The following INPP5F variants were observed in gnomAD, a reference collection of about 807,000 sequenced individuals.
INPP5F encodes the protein inositol polyphosphate-5-phosphatase F.
INPP5F carries 97 observed loss-of-function variants against 137.2 expected under a neutral mutation model. The ratio of observed to expected loss-of-function variants is 0.71; its 90% CI spans 0.60 to 0.84. INPP5F has a LOEUF of 0.84. Ranked by LOEUF, INPP5F falls within the 40% of genes least tolerant of loss-of-function variation. The pLI is 0.00. For synonymous variants in INPP5F, 504 were observed against 476.9 expected, an observed-to-expected ratio of 1.06 and a Z score of -0.74; for missense variants, 1,271 against 1,371.9, an observed-to-expected ratio of 0.93 and a Z score of 1.16.
chr10:119,747,858 A>T (rs1245636705), intron 1 of INPP5F, among the ~76,000 whole-genome samples: 1 of 152,238 alleles, frequency 6.6e-6, no homozygotes, highest in African/African-American at 2.4e-5. Context: ...TTAAAGAAGA[A>T]AATACTCATG....
At chr10:119,751,201 A>AT (rs753433942) in intron 2 of INPP5F, 45 bp downstream of exon 2, 3 of 1,196,304 alleles carry the variant, frequency 2.5e-6, no homozygotes, top group Non-Finnish European at 3.7e-6. Flanking sequence ...TTATTGTAGC[A>AT]TTTTTTGGTG....
At chr10:119,777,294 G>A (rs576682035) in intron 2 of INPP5F, among the ~76,000 whole-genome samples, 10 of 152,268 alleles carry the variant, frequency 6.6e-5, no homozygotes, top group African/African-American at 2.2e-4. Flanking sequence ...CGCATCACAA[G>A]GTCAGGAGTT....
intron 2 of INPP5F, among the ~76,000 whole-genome samples, chr10:119,778,364 TAATA>T (rs1477079542): frequency 1.3e-5 from 2 of 152,322 alleles, no homozygotes; most frequent in East Asian, 3.8e-4. Context: ...TATTTTTCTA[TAATA>T]AATTCCTGAA....
At chr10:119,821,294 A>G (rs935208376) in intron 16 of INPP5F, among the ~76,000 whole-genome samples, 54 of 152,016 alleles carry the variant, frequency 3.6e-4, no homozygotes, top group African/African-American at 1.3e-3. Flanking sequence ...ATTACTTACA[A>G]TTTTTTGTTA....
chr10:119,777,735 T>A (rs938614329), intron 2 of INPP5F, among the ~76,000 whole-genome samples: 1 of 152,166 alleles, frequency 6.6e-6, no homozygotes, highest in African/African-American at 2.4e-5. Flanking sequence ...AGATGCTTGG[T>A]AATGTCCATT....
chr10:119,751,005 C>G, intron 1 of INPP5F, 71 bp from the exon 2 acceptor site: 1 of 995,754 alleles, frequency 1.0e-6, no homozygotes, highest in Admixed American at 1.8e-5. Flanking sequence ...TTTCAATACA[C>G]TGCTAAAGAT....
intron 2 of INPP5F, among the ~76,000 whole-genome samples, chr10:119,753,190 C>T (rs1354061327): frequency 2.6e-5 from 4 of 152,022 alleles, no homozygotes; most frequent in Admixed American, 6.6e-5. Flanking sequence ...AGCTAAAATT[C>T]GTTTTCTATT....
intron 2 of INPP5F, among the ~76,000 whole-genome samples, chr10:119,756,373 C>T (rs145372598): frequency 0.013 from 1,908 of 152,148 alleles, 22 homozygotes; most frequent in Middle Eastern, 0.027. Context: ...TGGTGACTCA[C>T]GCCTGTAATC....
rs367566188 is a variant in INPP5F at position 119,818,088 on chromosome 10, G to C, written c.1887-2758G>C. ...AAACCGGGAACTGTCCAGCACGCCC[G>C]TGCCTGTCCTGGCCCTTCTCCCATG... On this transcript the variant is annotated intron_variant, in intron 15 of 19. Transcript: ENST00000650623. Among the ~76,000 whole-genome samples the C allele has an allele frequency of 3.3e-5, 5 of 152,350 alleles. No homozygotes were observed. In the East Asian group the frequency reaches 7.7e-4, roughly 24 times the overall value.
chr10:119,726,099 T>A lies in INPP5F; in HGVS notation c.-164T>A, dbSNP rs1847874415. 5.2e-6 allele frequency: 2 copies of A among 382,098 alleles called. No homozygotes were observed. Among genetic ancestry groups the A allele is most frequent in the Non-Finnish European group, 9.2e-6 (2 of 218,176 alleles). The allele number at this position is 382,098 out of a possible 1,614,324, so 23.7% of individuals were successfully genotyped here. A position where few individuals can be genotyped will look rare whatever the true frequency, so the allele number is the denominator to read the frequency against. ...CCGCCGCCGCTGCCGGGGCGCGTTCTCCTCCTACCGGTCGGGTGCCCCGGG... is the reference window on the plus strand; with the variant it reads ...CCGCCGCCGCTGCCGGGGCGCGTTCACCTCCTACCGGTCGGGTGCCCCGGG... On this transcript the variant is annotated 5_prime_UTR_variant, in exon 1 of 20. Coordinates refer to ENST00000650623, the MANE Select transcript of INPP5F (RefSeq NM_014937.4).
intron 2 of INPP5F, among the ~76,000 whole-genome samples, chr10:119,755,284 G>T (rs937095208): frequency 6.6e-6 from 1 of 152,146 alleles, no homozygotes; most frequent in Non-Finnish European, 1.5e-5. Flanking sequence ...CAAGGTGTTG[G>T]CTGGGTTGGT....
rs1304420746 is a variant in INPP5F, at chr10:119,829,094, T to G, written c.*1314T>G. ...ATTTATTAGTGCTATCTTTTTTTTTTACGTGTTAAATCTTGTGATTATTAA... is the reference window on the plus strand; with the variant it reads ...ATTTATTAGTGCTATCTTTTTTTTTGACGTGTTAAATCTTGTGATTATTAA... On this transcript the variant is annotated 3_prime_UTR_variant, in exon 20 of 20. Transcript: ENST00000650623. The G allele has an allele frequency of 6.6e-6, 1 of 152,634 alleles. No homozygotes were observed. Among genetic ancestry groups the G allele is most frequent in the African/African-American group, 2.4e-5 (1 of 41,436 alleles). 9.5% of individuals were successfully genotyped at this position (152,634 alleles called of 1,614,324 possible). A position where few individuals can be genotyped will look rare whatever the true frequency, so the allele number is the denominator to read the frequency against.
Position 119,820,042 on chromosome 10 carries a change from T to G in INPP5F, c.1887-804T>G, listed in dbSNP as rs564010183. ...TAAGAATGCAGAAACATCTCTCTTT[T>G]GCTGGAAAGGCTATTATTGTTAGAT... On this transcript the variant is annotated intron_variant, in intron 15 of 19. Transcript: ENST00000650623. Among the ~76,000 whole-genome samples the G allele has an allele frequency of 1.7e-3, 261 of 152,360 alleles. 2 individuals are homozygous for G. Among genetic ancestry groups the G allele is most frequent in the Non-Finnish European group, 3.1e-3 (212 of 68,042 alleles).
intron 2 of INPP5F, among the ~76,000 whole-genome samples, chr10:119,767,129 A>AAAAACAAC: frequency 6.6e-6 from 1 of 150,586 alleles, no homozygotes; most frequent in Non-Finnish European, 1.5e-5. Flanking sequence ...AAAAAAAAAA[A>AAAAACAAC]AAAACCTAGA....
Position 119,731,301 on chromosome 10 carries a change from T to C in INPP5F, c.97+4942T>C, listed in dbSNP as rs1848056992. Among the ~76,000 whole-genome samples, 3 of 152,036 alleles carry C rather than the reference T, an allele frequency of 2.0e-5. No individual in the cohort carries two copies. The South Asian group carries it at 6.2e-4, about 32-fold the overall frequency. Reference sequence around the variant, plus strand: ...CATTTTTGTGAAATGATTCTGTTTATTTGGAGTTTTGTGGCATTTGGTATT... The same window carrying C: ...CATTTTTGTGAAATGATTCTGTTTACTTGGAGTTTTGTGGCATTTGGTATT... On this transcript the variant is annotated intron_variant, in intron 1 of 19. Transcript: ENST00000650623.
rs200922428 is a variant in INPP5F at position 119,823,922 on chromosome 10, C to T, written c.2249+20C>T. The T allele has an allele frequency of 1.7e-4, 268 of 1,561,100 alleles. No individual in the cohort carries two copies. The African/African-American group carries it at 3.2e-3, about 18-fold the overall frequency. ...TGAGAGGTGAGTATACTGCTTCTCTCAAGAATAAAGGCATTCTTATCCAAG... is the reference window on the plus strand; with the variant it reads ...TGAGAGGTGAGTATACTGCTTCTCTTAAGAATAAAGGCATTCTTATCCAAG... On this transcript the variant is annotated intron_variant, in intron 19 of 19. Transcript: ENST00000650623.
intron 10 of INPP5F, among the ~76,000 whole-genome samples, chr10:119,805,072 C>G (rs1350172169): frequency 2.0e-5 from 3 of 152,136 alleles, no homozygotes; most frequent in Non-Finnish European, 4.4e-5. Flanking sequence ...ATTCTGACAG[C>G]AAGGTTCTTT....
In INPP5F at chr10:119,827,007, G is replaced by T. The variant is rs747990548; in HGVS notation, c.2626G>T (p.Ala876Ser). The T allele has an allele frequency of 1.2e-6, 2 of 1,614,160 alleles. No individual in the cohort carries two copies. Among genetic ancestry groups the T allele is most frequent in the Admixed American group, 3.3e-5 (2 of 60,014 alleles). Residue 876 changes from alanine to serine, a missense_variant, in exon 20 of 20, where the codon GCT (alanine) becomes TCT (serine). By Grantham distance (99) the Ala-to-Ser change is moderately conservative. Transcript: ENST00000650623. ...NSKSDEDRQLANSLESVGPID... is the reference protein window; with the variant it reads ...NSKSDEDRQLSNSLESVGPID... The stretch of plus-strand genomic sequence containing the variant: ...TAAGTCTGATGAAGACAGGCAGCTA[G>T]CTAACTCATTAGAGAGTGTAGGGCC...
intron 9 of INPP5F, among the ~76,000 whole-genome samples, chr10:119,802,487 T>C (rs547212142): frequency 6.6e-6 from 1 of 152,272 alleles, no homozygotes; most frequent in Non-Finnish European, 1.5e-5. Context: ...AATAAAAAAC[T>C]CAAGTCAAAA....
Sources: gnomAD v4.1 joint callset for allele counts (sites outside exome capture counted in the v4.1 genomes callset) on GRCh38, gnomAD v4.1.1 for gene constraint, MANE v1.5 for transcripts, NCBI Gene and HGNC (gene_info 2026-07-23, HGNC 2026-07-21) for gene names.